EPB41L3: variants seen among roughly 807,000 people sequenced by gnomAD.
The protein encoded by EPB41L3 is band 4.1-like protein 3.
In EPB41L3, 57 loss-of-function variants were observed where a neutral mutation model predicts 127.1. The ratio of observed to expected loss-of-function variants is 0.45; its 90% CI spans 0.36 to 0.56. The LOEUF (loss-of-function observed/expected upper bound fraction) is 0.56. Ranked by LOEUF, EPB41L3 falls within the 20% of genes least tolerant of loss-of-function variation. EPB41L3 has a pLI of 0.00. For missense variants in EPB41L3, 1,273 were observed against 1,372.2 expected (o/e 0.93, Z 1.14); for synonymous variants, 572 against 549.5 (o/e 1.04, Z -0.57).
intron 1 of EPB41L3, among the ~76,000 whole-genome samples, chr18:5,492,328 AAATAC>A (rs1326856667): frequency 8.2e-6 from 1 of 121,730 alleles, no homozygotes; most frequent in Non-Finnish European, 1.5e-5. Flanking sequence ...TCAAAAAAAT[AAATAC>A]AATACAATAT....
At chr18:5,446,616 C>T (rs930387112) in intron 3 of EPB41L3, among the ~76,000 whole-genome samples, 1 of 152,150 alleles carries the variant, frequency 6.6e-6, no homozygotes, top group South Asian at 2.1e-4. Context: ...ACCTGTGAGT[C>T]GTGTGTTGTG....
Position 5,607,792 on chromosome 18 carries a change from G to C in EPB41L3, c.-306+4548C>G, listed in dbSNP as rs1202784850. On this transcript the variant is annotated intron_variant, in intron 3 of 21. Coordinates refer to the EPB41L3 transcript ENST00000545076. Reference sequence around the variant, plus strand: ...TCCCCAACCTTGCCACCACGGAACTGTCAGTTTTGACTCATGAAAGAACTT... The same window carrying C: ...TCCCCAACCTTGCCACCACGGAACTCTCAGTTTTGACTCATGAAAGAACTT... Among the ~76,000 whole-genome samples the C allele has an allele frequency of 2.0e-5, 3 of 152,110 alleles. No individual in the cohort carries two copies. In the East Asian group the frequency reaches 5.8e-4, roughly 29 times the overall value.
At chr18:5,432,979 T>C (rs1610067) in intron 8 of EPB41L3, among the ~76,000 whole-genome samples, 142,342 of 152,252 alleles carry the variant, frequency 0.93, 67,244 homozygotes, top group East Asian at 1. Context: ...TGGCACTTAA[T>C]GAATGTGATG....
At chr18:5,443,769 T>A in intron 5 of EPB41L3, 69 bp downstream of exon 5, 1 of 1,332,492 alleles carries the variant, frequency 7.5e-7, no homozygotes, top group Admixed American at 1.9e-5. Flanking sequence ...AGGTATGGGC[T>A]ACCAATTCAG....
intron 3 of EPB41L3, among the ~76,000 whole-genome samples, chr18:5,557,124 T>A (rs2094048727): frequency 6.6e-6 from 1 of 152,114 alleles, no homozygotes; most frequent in African/African-American, 2.4e-5. Context: ...AGCTTATAGA[T>A]CCATTTCCTA....
chr18:5,558,725 G>T (rs2094077065), intron 3 of EPB41L3, among the ~76,000 whole-genome samples: 1 of 152,150 alleles, frequency 6.6e-6, no homozygotes, highest in Non-Finnish European at 1.5e-5. Flanking sequence ...GGTTCTTTCA[G>T]CATCAAATAT....
rs1318338451 is a variant in EPB41L3 at position 5,397,215 on chromosome 18, G to A, written c.2684C>T (p.Ser895Phe). The A allele has an allele frequency of 6.2e-7, 1 of 1,614,148 alleles. No homozygotes were observed. The highest frequency in any genetic ancestry group is 1.7e-5 in the Admixed American group (1 of 60,028). The part of the protein sequence containing the change: ...AFTGIKGKEG[S>F]ALTEGAKEEG... ...CTCTTTAGCCCCCTCCGTCAAGGCA[G>A]AGCCCTCTTTCCCTTTAATGCCTGT... The change falls in exon 18 of 23, where the codon TCT (serine) becomes TTT (phenylalanine). Residue 895 changes from serine (S) to phenylalanine (F), a missense_variant. Physicochemically the swap from Ser to Phe is radical, Grantham distance 155. Transcript: ENST00000341928. This position sits in a 1 kb window ranked among gnomAD's most constrained non-coding sequence, Gnocchi z 4.1.
rs370452607 is a variant in EPB41L3 at position 5,478,360 on chromosome 18, A to G, written c.262T>C (p.Ser88Pro). 35 of 1,613,998 alleles carry G rather than the reference A, an allele frequency of 2.2e-5. No individual in the cohort carries two copies. The highest frequency in any genetic ancestry group is 2.9e-5 in the Non-Finnish European group (34 of 1,180,010). Reference protein sequence around the residue: ...EYQQLEDDKLSQKSSSSKLSR... With the variant: ...EYQQLEDDKLPQKSSSSKLSR... ...AGTTTACTGCTAGATGATTTCTGAGAAAGTTTATCGTCTTCTAATTGCTGA... is the reference window on the plus strand; with the variant it reads ...AGTTTACTGCTAGATGATTTCTGAGGAAGTTTATCGTCTTCTAATTGCTGA... The change falls in exon 3 of 23, where the codon TCT becomes CCT. Residue 88 changes from serine (S) to proline (P), a missense_variant. By Grantham distance (74) the Ser-to-Pro change is moderately conservative (BLOSUM62 -1). Transcript: ENST00000341928.
At position 5,393,252 on chromosome 18, in the gene EPB41L3, T is replaced by A. The variant is rs940315972; in HGVS notation, c.*233A>T. 45 of 426,188 alleles carry A rather than the reference T, an allele frequency of 1.1e-4. No homozygotes were observed. The highest frequency in any genetic ancestry group is 1.7e-4 in the Non-Finnish European group (42 of 240,916). 26.4% of individuals were successfully genotyped at this position (426,188 alleles called of 1,614,324 possible). ...ATTAAAAATGCTGCTCTTTTGTAATTTTATCGTTGCTTCATGCATTATCGG... is the reference window on the plus strand; with the variant it reads ...ATTAAAAATGCTGCTCTTTTGTAATATTATCGTTGCTTCATGCATTATCGG... On this transcript the variant is annotated 3_prime_UTR_variant, in exon 23 of 23. Coordinates refer to ENST00000341928, the MANE Select transcript of EPB41L3 (RefSeq NM_012307.5).
At chr18:5,443,224 A>G (rs1323468475) in intron 5 of EPB41L3, among the ~76,000 whole-genome samples, 2 of 152,220 alleles carry the variant, frequency 1.3e-5, no homozygotes, top group Non-Finnish European at 2.9e-5. Context: ...AATTGAGTAA[A>G]TAAGTGCTAT....
chr18:5,630,211 C>G (rs1443455362), upstream of EPB41L3, among the ~76,000 whole-genome samples: 1 of 152,184 alleles, frequency 6.6e-6, no homozygotes, highest in African/African-American at 2.4e-5. Context: ...CGCCTCCGGG[C>G]GGACCCGGCC....
intron 1 of EPB41L3, among the ~76,000 whole-genome samples, chr18:5,524,309 G>C (rs568605522): frequency 6.6e-6 from 1 of 151,856 alleles, no homozygotes; most frequent in Non-Finnish European, 1.5e-5. Flanking sequence ...GTCTCCCGCC[G>C]CAGCCTCCCA....
chr18:5,517,822 C>T lies in EPB41L3; in HGVS notation c.-12+26091G>A, dbSNP rs1568478426. The stretch of plus-strand genomic sequence containing the variant: ...GGTCATCCCTCCCTCCCCGCCACCA[C>T]CAGACGCTTTTCTCCCTTAGGATTC... On this transcript the variant is annotated intron_variant, in intron 1 of 22. Coordinates refer to ENST00000341928, the MANE Select transcript of EPB41L3 (RefSeq NM_012307.5). Among the ~76,000 whole-genome samples, 3 of 152,122 alleles carry T rather than the reference C, an allele frequency of 2.0e-5. No individual in the cohort carries two copies. The South Asian group carries it at 6.2e-4, about 32-fold the overall frequency.
intron 3 of EPB41L3, among the ~76,000 whole-genome samples, chr18:5,470,057 C>T (rs1179429955): frequency 2.0e-5 from 3 of 152,154 alleles, no homozygotes; most frequent in South Asian, 2.1e-4. Context: ...GGATTATAGA[C>T]GTGAGCCACC....
rs190365585 is a variant in EPB41L3, at chr18:5,484,253, A to G, written c.183+4748T>C. ...ACATGCCCTGAATGACCAACGAGTC[A>G]GTGAAGAAACTAAGAAGTTAAAAAA... is the stretch of plus-strand genomic sequence containing the variant. On this transcript the variant is annotated intron_variant, in intron 2 of 22. Coordinates refer to ENST00000341928, the MANE Select transcript of EPB41L3 (RefSeq NM_012307.5). Among the ~76,000 whole-genome samples, 47 of 151,730 alleles carry G rather than the reference A, an allele frequency of 3.1e-4. No homozygotes were observed. The East Asian group carries it at 5.8e-3, about 19-fold the overall frequency.
At chr18:5,537,917 G>A (rs1454063120) in intron 1 of EPB41L3, among the ~76,000 whole-genome samples, 8 of 152,128 alleles carry the variant, frequency 5.3e-5, no homozygotes, top group African/African-American at 1.9e-4. Context: ...CTGATACACA[G>A]AATGGACAGT....
chr18:5,593,924 C>T (rs2094511623), intron 3 of EPB41L3, among the ~76,000 whole-genome samples: 1 of 152,312 alleles, frequency 6.6e-6, no homozygotes, highest in African/African-American at 2.4e-5. Flanking sequence ...TCTCTTGTTC[C>T]CTGAATATTG....
At chr18:5,554,829 G>A (rs1009906438) in intron 3 of EPB41L3, among the ~76,000 whole-genome samples, 3 of 152,244 alleles carry the variant, frequency 2.0e-5, no homozygotes, top group African/African-American at 7.2e-5. Flanking sequence ...GACCACTGCA[G>A]TGCAAAATGT....
chr18:5,626,195 C>G lies in EPB41L3; in HGVS notation c.-468+2727G>C, dbSNP rs1481625033. On this transcript the variant is annotated intron_variant, in intron 1 of 21. Coordinates refer to the EPB41L3 transcript ENST00000545076. ...TTGCATTAGTTTTGGGCTAGGAGACCCTTAGCACTTCAGAATGCACACTAG... is the reference window on the plus strand; with the variant it reads ...TTGCATTAGTTTTGGGCTAGGAGACGCTTAGCACTTCAGAATGCACACTAG... Among the ~76,000 whole-genome samples the G allele has an allele frequency of 1.2e-4, 18 of 152,230 alleles. No individual in the cohort carries two copies. The East Asian group carries it at 2.7e-3, about 23-fold the overall frequency.
Sources: allele counts gnomAD v4.1 joint callset (sites outside exome capture counted in the v4.1 genomes callset), GRCh38; gene constraint gnomAD v4.1.1; non-coding constraint Gnocchi (gnomAD v3.1); transcripts MANE v1.5; gene names NCBI Gene and HGNC (gene_info 2026-07-23, HGNC 2026-07-21).